The following ANTXR1 variants were observed in gnomAD, a reference collection of about 807,000 sequenced individuals.
The protein encoded by ANTXR1 is ANTXR cell adhesion molecule 1, also known as anthrax toxin receptor 1.
Under a neutral mutation model 78.1 loss-of-function variants are expected in ANTXR1, and 19 were observed. The observed-to-expected ratio is 0.24, with a 90% CI of 0.17 to 0.36. The LOEUF (loss-of-function observed/expected upper bound fraction) is 0.36. Ranked by LOEUF, ANTXR1 falls within the 10% of genes least tolerant of loss-of-function variation. The pLI, the probability that ANTXR1 is intolerant of heterozygous loss-of-function variation, is 1.00. For missense variants in ANTXR1, 518 were observed against 718.6 expected, an observed-to-expected ratio of 0.72 and a Z score of 3.19; for synonymous variants, 273 against 260.5, an observed-to-expected ratio of 1.05 and a Z score of -0.46.
intron 17 of ANTXR1, among the ~76,000 whole-genome samples, chr2:69,229,656 G>A (rs1675539059): frequency 6.6e-6 from 1 of 151,794 alleles, no homozygotes; most frequent in Non-Finnish European, 1.5e-5. Flanking sequence ...GACAGAAAGG[G>A]CAAGAAGGAA....
chr2:69,135,000 C>A (rs1296469045), intron 12 of ANTXR1: 4 of 402,818 alleles, frequency 9.9e-6, no homozygotes, highest in Non-Finnish European at 1.5e-5. Flanking sequence ...AACAGGATGG[C>A]TTGTGGTTTT....
At chr2:69,210,863 G>A (rs1675023599) in intron 17 of ANTXR1, among the ~76,000 whole-genome samples, 1 of 151,182 alleles carries the variant, frequency 6.6e-6, no homozygotes, top group South Asian at 2.1e-4. Context: ...TTGAACATGG[G>A]AGGTGGAGGT....
At chr2:69,075,398 T>A (rs1165621458) in intron 6 of ANTXR1, among the ~76,000 whole-genome samples, 192 bp from the exon 7 acceptor site, 1 of 152,186 alleles carries the variant, frequency 6.6e-6, no homozygotes. Context: ...AAGTCCACCA[T>A]GTGTTATGTT....
At chr2:69,042,149 G>A in intron 2 of ANTXR1, among the ~76,000 whole-genome samples, 1 of 152,206 alleles carries the variant, frequency 6.6e-6, no homozygotes, top group East Asian at 1.9e-4. Flanking sequence ...GCCAGTACAA[G>A]TACATCATTT....
In ANTXR1 at chr2:69,214,933, C is replaced by T. The variant is rs150366193; in HGVS notation, c.1434+21518C>T. On this transcript the variant is annotated intron_variant, in intron 17 of 17. Transcript: ENST00000303714. ...AGCCTCTGGGTCTAGCAGTCACCTC[C>T]AGCTTGTTACTGCCGAAGTCCCTCT... Among the ~76,000 whole-genome samples, 40 of 152,284 alleles carry T rather than the reference C, an allele frequency of 2.6e-4. 1 individual carries two copies. In the South Asian group the frequency reaches 5.2e-3, roughly 20 times the overall value.
chr2:69,195,191 A>AAAAG (rs1163130510), intron 17 of ANTXR1, among the ~76,000 whole-genome samples: 12 of 123,138 alleles, frequency 9.7e-5, no homozygotes, highest in African/African-American at 6.0e-4. Flanking sequence ...AAGAAAAAGA[A>AAAAG]AAAAAAAAAT....
rs1307252563 is a variant in ANTXR1 at position 69,248,020 on chromosome 2, T to C, written c.*2535T>C. 2 of 163,244 alleles carry C rather than the reference T, an allele frequency of 1.2e-5. No homozygotes were observed. Among genetic ancestry groups the C allele is most frequent in the East Asian group, 1.9e-4 (1 of 5,200 alleles). The allele number at this position is 163,244 out of a possible 1,614,324, so 10.1% of individuals were successfully genotyped here. A position where few individuals can be genotyped will look rare whatever the true frequency, so the allele number is the denominator to read the frequency against. The stretch of plus-strand genomic sequence containing the variant: ...AGAATTACAGTTAAGAAGGAGAAAC[T>C]TCTATAAGACTGTATGAACAAGGTG... On this transcript the variant is annotated 3_prime_UTR_variant, in exon 18 of 18. Coordinates refer to ENST00000303714, the MANE Select transcript of ANTXR1 (RefSeq NM_032208.3).
chr2:69,206,435 C>T (rs563004460), intron 17 of ANTXR1, among the ~76,000 whole-genome samples: 44 of 152,254 alleles, frequency 2.9e-4, no homozygotes, highest in African/African-American at 9.9e-4. Flanking sequence ...AAAAGTGGGC[C>T]TAATGGAAAG....
chr2:69,237,549 C>T (rs1282161768), intron 17 of ANTXR1, among the ~76,000 whole-genome samples: 1 of 152,186 alleles, frequency 6.6e-6, no homozygotes, highest in African/African-American at 2.4e-5. Context: ...GCCTCAGCCT[C>T]CCAAGTAGCT....
chr2:69,145,268 G>A, intron 12 of ANTXR1: 3 of 1,532,158 alleles, frequency 2.0e-6, no homozygotes, highest in Non-Finnish European at 2.7e-6. Flanking sequence ...CCCTTCTAAG[G>A]CCAGGGGAGT....
intron 3 of ANTXR1, among the ~76,000 whole-genome samples, chr2:69,052,615 AAGTACTTTGTGT>A: frequency 6.6e-6 from 1 of 152,038 alleles, no homozygotes; most frequent in Non-Finnish European, 1.5e-5. Flanking sequence ...TAATTTTGTA[AAGTACTTTGTGT>A]AGTACTTGAG....
chr2:69,230,525 G>A (rs1176463898), intron 17 of ANTXR1, among the ~76,000 whole-genome samples: 1 of 152,028 alleles, frequency 6.6e-6, no homozygotes, highest in Non-Finnish European at 1.5e-5. Flanking sequence ...ATCTTACTGT[G>A]TTTCCTCTGT....
intron 16 of ANTXR1, among the ~76,000 whole-genome samples, chr2:69,192,344 A>G (rs1316863885): frequency 6.6e-6 from 1 of 152,122 alleles, no homozygotes; most frequent in African/African-American, 2.4e-5. Flanking sequence ...CTTGTCTTTT[A>G]TAGATGCTAG....
At chr2:69,051,394 T>C (rs954412696) in intron 3 of ANTXR1, among the ~76,000 whole-genome samples, 1 of 152,160 alleles carries the variant, frequency 6.6e-6, no homozygotes, top group African/African-American at 2.4e-5. Flanking sequence ...TTTTGACATG[T>C]CCTGTTCTTA....
chr2:69,139,072 C>G (rs1327220870), intron 12 of ANTXR1, among the ~76,000 whole-genome samples: 1 of 152,234 alleles, frequency 6.6e-6, no homozygotes, highest in Non-Finnish European at 1.5e-5. Flanking sequence ...TGTGAATGTA[C>G]TGATCCCTAA....
intron 17 of ANTXR1, among the ~76,000 whole-genome samples, chr2:69,239,047 G>A (rs1675838433): frequency 6.6e-6 from 1 of 152,118 alleles, no homozygotes; most frequent in South Asian, 2.1e-4. Context: ...CCCAAATTCA[G>A]AAGTTGCAGG....
At chr2:69,136,045 T>C (rs1265097168) in intron 12 of ANTXR1, among the ~76,000 whole-genome samples, 1 of 152,200 alleles carries the variant, frequency 6.6e-6, no homozygotes, top group African/African-American at 2.4e-5. Context: ...AAAATTGATA[T>C]GTTTCAGATC....
chr2:69,103,221 C>T, intron 10 of ANTXR1: 1 of 464,062 alleles, frequency 2.2e-6, no homozygotes, highest in Non-Finnish European at 4.0e-6. Context: ...CAAGCCCCAG[C>T]CCTGCAGCAG....
chr2:69,166,534 A>C (rs1673832538), intron 13 of ANTXR1, among the ~76,000 whole-genome samples: 1 of 152,206 alleles, frequency 6.6e-6, no homozygotes, highest in Admixed American at 6.5e-5. Flanking sequence ...ACCCAGTCTA[A>C]AGGTGGTAGT....
Sources: allele counts gnomAD v4.1 joint callset (sites outside exome capture counted in the v4.1 genomes callset), GRCh38; gene constraint gnomAD v4.1.1; transcripts MANE v1.5; gene names NCBI Gene and HGNC (gene_info 2026-07-23, HGNC 2026-07-21).